Variants in EYS observed in about 807,000 individuals in gnomAD.
EYS encodes the protein protein eyes shut homolog.
In EYS, 250 loss-of-function variants were observed where a neutral mutation model predicts 282.1. That is an observed-to-expected ratio of 0.89 (90% CI 0.80 to 0.98). The LOEUF (loss-of-function observed/expected upper bound fraction) is 0.98. EYS is among the 50% of genes least tolerant of loss of function. The probability of loss-of-function intolerance (pLI) is 0.00; values close to 1 mark genes in which losing one functional copy is unlikely to be tolerated. For synonymous variants in EYS, 1,355 were observed against 1,282.9 expected (o/e 1.06, Z -1.20); for missense variants, 4,016 against 3,709.0 (o/e 1.08, Z -2.15).
At chr6:64,328,912 A>T (rs1770530083) in intron 29 of EYS, among the ~76,000 whole-genome samples, 2 of 152,204 alleles carry the variant, frequency 1.3e-5, no homozygotes, top group Non-Finnish European at 2.9e-5. Flanking sequence ...ATGCAAGCAG[A>T]TGGGACACTG....
intron 30 of EYS, among the ~76,000 whole-genome samples, chr6:64,251,111 G>C (rs957324870): frequency 1.3e-5 from 2 of 151,916 alleles, no homozygotes; most frequent in African/African-American, 2.4e-5. Context: ...TTAATGGCTT[G>C]TCTGTGAAAA....
At chr6:64,719,546 GA>G (rs1406399762) in intron 22 of EYS, among the ~76,000 whole-genome samples, 4 of 152,184 alleles carry the variant, frequency 2.6e-5, no homozygotes, top group African/African-American at 9.6e-5. Flanking sequence ...TCCTGAGAGA[GA>G]AACCTTGGCA....
At chr6:65,152,982 CA>C (rs112973520) in intron 12 of EYS, among the ~76,000 whole-genome samples, 450 of 133,698 alleles carry the variant, frequency 3.4e-3, no homozygotes, top group Non-Finnish European at 3.7e-3. Context: ...TGTATTAGAC[CA>C]AAAAAAAAAA....
intron 9 of EYS, among the ~76,000 whole-genome samples, chr6:65,348,534 A>G (rs573821936): frequency 6.6e-6 from 1 of 151,640 alleles, no homozygotes; most frequent in African/African-American, 2.4e-5. Flanking sequence ...AGCCACATCT[A>G]TTTAGATCTT....
At chr6:63,763,273 G>C (rs933080507) in intron 40 of EYS, among the ~76,000 whole-genome samples, 7 of 152,064 alleles carry the variant, frequency 4.6e-5, no homozygotes, top group African/African-American at 1.7e-4. Flanking sequence ...TCAGCTGAAA[G>C]AGACACCTTG....
At chr6:64,272,928 G>A (rs903428860) in intron 30 of EYS, among the ~76,000 whole-genome samples, 31 of 151,914 alleles carry the variant, frequency 2.0e-4, no homozygotes, top group African/African-American at 7.3e-4. Flanking sequence ...AATGCAATTT[G>A]TTTTCACATA....
chr6:63,826,311 G>A (rs9718002), intron 36 of EYS, among the ~76,000 whole-genome samples: 20,273 of 152,144 alleles, frequency 0.13, 1,713 homozygotes, highest in African/African-American at 0.24. Context: ...CCTGGAAAAC[G>A]TATTTGGGGG....
rs537653909 is a variant in EYS at position 65,301,940 on chromosome 6, A to T, written c.1767-5821T>A. On this transcript the variant is annotated intron_variant, in intron 11 of 42. Coordinates refer to ENST00000503581, the MANE Select transcript of EYS (RefSeq NM_001142800.2). ...TCCCTGCCCAAAAAATTCCTGGAAA[A>T]TTGACTAGTATTAAGTGTGAAGAAA... Among the ~76,000 whole-genome samples the T allele has an allele frequency of 8.5e-5, 13 of 152,370 alleles. No homozygotes were observed. In the East Asian group the frequency reaches 2.3e-3, roughly 27 times the overall value.
intron 39 of EYS, chr6:63,787,003 A>G (rs911549907): frequency 2.6e-5 from 4 of 152,116 alleles, no homozygotes; most frequent in Admixed American, 2.6e-4. Context: ...AGACATTAAG[A>G]GAGGATCCAA....
chr6:64,743,442 T>C (rs574277973), intron 22 of EYS, among the ~76,000 whole-genome samples: 1 of 152,170 alleles, frequency 6.6e-6, no homozygotes, highest in African/African-American at 2.4e-5. Flanking sequence ...GTTATAGAAA[T>C]AGTAAATAAT....
intron 12 of EYS, among the ~76,000 whole-genome samples, chr6:65,279,629 T>G (rs2150274047): frequency 6.6e-6 from 1 of 152,296 alleles, no homozygotes; most frequent in Admixed American, 6.5e-5. Flanking sequence ...ACTGATAATA[T>G]TCTGTTGGGT....
intron 22 of EYS, among the ~76,000 whole-genome samples, chr6:64,705,944 C>T (rs1770995156): frequency 6.6e-6 from 1 of 150,824 alleles, no homozygotes; most frequent in South Asian, 2.1e-4. Flanking sequence ...ATGTAAGTAA[C>T]CTGCACAATG....
At chr6:64,623,135 T>A (rs1767501435) in intron 23 of EYS, among the ~76,000 whole-genome samples, 4 of 152,142 alleles carry the variant, frequency 2.6e-5, no homozygotes, top group Admixed American at 2.6e-4. Context: ...ATTGGTCAAT[T>A]CAATTTTTTA....
chr6:65,004,038 T>C (rs965240877), intron 13 of EYS, among the ~76,000 whole-genome samples: 3 of 142,192 alleles, frequency 2.1e-5, no homozygotes, highest in African/African-American at 8.3e-5. Flanking sequence ...TAAATTTATA[T>C]TTTTTTAGGA....
At chr6:63,927,106 G>C (rs532155269) in intron 35 of EYS, among the ~76,000 whole-genome samples, 7 of 152,210 alleles carry the variant, frequency 4.6e-5, no homozygotes, top group African/African-American at 1.7e-4. Context: ...TTCTTAGTCT[G>C]TTCTGCTCTT....
At chr6:65,007,632 CT>C (rs901621014) in intron 13 of EYS, among the ~76,000 whole-genome samples, 29 of 152,098 alleles carry the variant, frequency 1.9e-4, no homozygotes, top group African/African-American at 6.5e-4. Flanking sequence ...CAGTGTCCCC[CT>C]AACTCTTTCC....
chr6:65,048,488 G>A (rs898872238), intron 13 of EYS, among the ~76,000 whole-genome samples: 10 of 151,632 alleles, frequency 6.6e-5, no homozygotes, highest in African/African-American at 2.2e-4. Flanking sequence ...TTCCTTTCCC[G>A]ATCCAGCCTT....
At chr6:65,589,257 C>G (rs1398880060) in intron 2 of EYS, among the ~76,000 whole-genome samples, 3 of 151,988 alleles carry the variant, frequency 2.0e-5, no homozygotes, top group Admixed American at 6.6e-5. Context: ...TTTAAAGCAC[C>G]AGGCACTCTG....
intron 2 of EYS, among the ~76,000 whole-genome samples, chr6:65,515,182 A>G (rs1011192296): frequency 1.3e-5 from 2 of 152,084 alleles, no homozygotes; most frequent in African/African-American, 2.4e-5. Context: ...CAAAAAACAC[A>G]TGAAAAAATG....
Sources: allele counts gnomAD v4.1 joint callset (sites outside exome capture counted in the v4.1 genomes callset), GRCh38; gene constraint gnomAD v4.1.1; transcripts MANE v1.5; gene names NCBI Gene and HGNC (gene_info 2026-07-23, HGNC 2026-07-21).